Variants in TSPAN7 observed in about 807,000 individuals in gnomAD.
The protein encoded by TSPAN7 is tetraspanin-7.
Under a neutral mutation model 17.6 loss-of-function variants are expected in TSPAN7, and 1 was observed. The ratio of observed to expected loss-of-function variants is 0.06; its 90% CI spans 0.02 to 0.27. TSPAN7 has a LOEUF of 0.27. Ranked by LOEUF, TSPAN7 falls within the 10% of genes least tolerant of loss-of-function variation. The pLI is 1.00. For synonymous variants in TSPAN7, 78 were observed against 79.0 expected (o/e 0.99, Z 0.07); for missense variants, 112 against 201.7 (o/e 0.56, Z 2.69).
intron 1 of TSPAN7, among the ~76,000 whole-genome samples, chrX:38,632,830 A>T (rs1487284812): frequency 8.9e-6 from 1 of 112,294 alleles, no homozygotes; most frequent in African/African-American, 3.2e-5. Context: ...TCATTAACTG[A>T]TAGAGAGGAA....
intron 1 of TSPAN7, among the ~76,000 whole-genome samples, chrX:38,591,144 C>A (rs1360313823): frequency 9.0e-6 from 1 of 110,844 alleles, no homozygotes; most frequent in Non-Finnish European, 1.9e-5. Context: ...GACCTTTCTT[C>A]TTTTCCCATA....
chrX:38,674,199 C>T (rs375853893), intron 3 of TSPAN7, 22 bp from the exon 4 acceptor site: 45 of 1,148,970 alleles, frequency 3.9e-5, no homozygotes, highest in Non-Finnish European at 5.3e-5. Context: ...ACTGCAATCA[C>T]ATCCCTCCTT....
chrX:38,564,173 C>T (rs1041887563), intron 1 of TSPAN7, among the ~76,000 whole-genome samples: 1 of 109,923 alleles, frequency 9.1e-6, no homozygotes, highest in Non-Finnish European at 1.9e-5. Context: ...CAGCCCTAAG[C>T]AACCACTACT....
At chrX:38,631,302 T>G (rs2069549740) in intron 1 of TSPAN7, among the ~76,000 whole-genome samples, 1 of 111,016 alleles carries the variant, frequency 9.0e-6, no homozygotes, top group Admixed American at 9.6e-5. Context: ...TCAATTTGCA[T>G]AGACACCATT....
intron 3 of TSPAN7, among the ~76,000 whole-genome samples, chrX:38,673,008 G>A (rs184138521): frequency 8.9e-6 from 1 of 112,419 alleles, no homozygotes; most frequent in African/African-American, 3.2e-5. Flanking sequence ...GACAGCTTAA[G>A]TGTAGCGAAA....
chrX:38,599,978 G>A (rs1352807529), intron 1 of TSPAN7, among the ~76,000 whole-genome samples: 2 of 111,525 alleles, frequency 1.8e-5, no homozygotes, highest in African/African-American at 6.5e-5. Context: ...ATTTATTTTG[G>A]TGGCAGCATT....
At chrX:38,659,664 A>ATTTTTT (rs536060824) in intron 1 of TSPAN7, among the ~76,000 whole-genome samples, 1 of 99,316 alleles carries the variant, frequency 1.0e-5, no homozygotes, top group Non-Finnish European at 2.0e-5. Context: ...TTTAATTCTA[A>ATTTTTT]TTTTTTTTTT....
intron 1 of TSPAN7, among the ~76,000 whole-genome samples, chrX:38,617,173 G>C (rs751503448): frequency 1.8e-5 from 2 of 111,695 alleles, no homozygotes; most frequent in Non-Finnish European, 3.8e-5. Context: ...CCACTTTCTC[G>C]TGCTGAAGAA....
At chrX:38,638,750 G>T in intron 1 of TSPAN7, among the ~76,000 whole-genome samples, 1 of 111,780 alleles carries the variant, frequency 8.9e-6, no homozygotes, top group Middle Eastern at 4.6e-3. Context: ...AAGGCAAGGG[G>T]TGTACTCATG....
chrX:38,597,841 T>G (rs1215499295), intron 1 of TSPAN7, among the ~76,000 whole-genome samples: 1 of 111,717 alleles, frequency 9.0e-6, no homozygotes, highest in Non-Finnish European at 1.9e-5. Context: ...TAAGAAATTT[T>G]GGGGTTGTAT....
chrX:38,651,334 G>A (rs1163707568), intron 1 of TSPAN7, among the ~76,000 whole-genome samples: 1 of 110,274 alleles, frequency 9.1e-6, no homozygotes, highest in Non-Finnish European at 1.9e-5. Context: ...GCGTGGTGGC[G>A]GGCGCCTATA....
chrX:38,666,597 CTT>C (rs145226240), intron 2 of TSPAN7, among the ~76,000 whole-genome samples: 3,523 of 94,792 alleles, frequency 0.037, 146 homozygotes, highest in African/African-American at 0.13. Flanking sequence ...TGTTTCTTTT[CTT>C]TTTTTTTTTT....
At position 38,605,040 on chromosome X, in the gene TSPAN7, G is replaced by A. The variant is rs187293861; in HGVS notation, c.81+43413G>A. On this transcript the variant is annotated intron_variant, in intron 1 of 7. Transcript: ENST00000378482. ...TCTCTCACCACTCCTATTCAACATA[G>A]TGTTGGAAGTTCTGGCCGGGGCAAT... 2.6e-3 allele frequency among the ~76,000 whole-genome samples: 288 copies of A among 110,709 alleles called. 3 individuals carry two copies. Among genetic ancestry groups the A allele is most frequent in the African/African-American group, 8.8e-3 (267 of 30,234 alleles).
At chrX:38,623,125 T>G (rs755905678) in intron 1 of TSPAN7, 1 of 326,235 alleles carries the variant, frequency 3.1e-6, no homozygotes, top group Non-Finnish European at 5.9e-6. Context: ...GTTGTGGAGA[T>G]CCAAGAGAGC....
chrX:38,632,918 C>G (rs1163025386), intron 1 of TSPAN7, among the ~76,000 whole-genome samples: 1 of 112,074 alleles, frequency 8.9e-6, no homozygotes, highest in Non-Finnish European at 1.9e-5. Flanking sequence ...GTTATCTGGT[C>G]CAGTTCATGA....
chrX:38,583,949 CTTTT>C (rs34777484), intron 1 of TSPAN7, among the ~76,000 whole-genome samples: 1 of 66,974 alleles, frequency 1.5e-5, no homozygotes, highest in East Asian at 4.4e-4. Flanking sequence ...TTTTTCTTTT[CTTTT>C]TTTTTTTTTT....
chrX:38,619,540 G>A (rs1028639183), intron 1 of TSPAN7, among the ~76,000 whole-genome samples: 1 of 111,559 alleles, frequency 9.0e-6, no homozygotes, highest in African/African-American at 3.3e-5. Flanking sequence ...AGCCTTAAGG[G>A]GACTGATAGT....
intron 3 of TSPAN7, among the ~76,000 whole-genome samples, chrX:38,672,137 C>A (rs944809967): frequency 1.8e-5 from 2 of 110,820 alleles, no homozygotes; most frequent in Non-Finnish European, 3.8e-5. Context: ...GCAAGCCAAA[C>A]TAATTGTCTT....
At chrX:38,630,871 C>A (rs746005965) in intron 1 of TSPAN7, among the ~76,000 whole-genome samples, 22 of 111,687 alleles carry the variant, frequency 2.0e-4, no homozygotes, top group African/African-American at 6.8e-4. Context: ...TCTACCTCTG[C>A]GCTATGTGAG....
Sources: gnomAD v4.1 joint callset for allele counts (sites outside exome capture counted in the v4.1 genomes callset) on GRCh38, gnomAD v4.1.1 for gene constraint, MANE v1.5 for transcripts, NCBI Gene and HGNC (gene_info 2026-07-23, HGNC 2026-07-21) for gene names.